Variants in DOCK4 observed in about 807,000 individuals in gnomAD.
The protein encoded by DOCK4 is dedicator of cytokinesis 4.
In DOCK4, 97 loss-of-function variants were observed where a neutral mutation model predicts 268.1. The ratio of observed to expected loss-of-function variants is 0.36; its 90% confidence interval spans 0.31 to 0.43. The LOEUF is 0.43. Among genes scored for constraint, DOCK4 ranks in the 20% least tolerant of loss-of-function variants. The probability of loss-of-function intolerance (pLI) is 1.00; values close to 1 mark genes in which losing one functional copy is unlikely to be tolerated. For synonymous variants in DOCK4, 954 were observed against 887.2 expected (o/e 1.08, Z -1.34); for missense variants, 2,145 against 2,455.7 (o/e 0.87, Z 2.67).
At chr7:112,015,906 T>C (rs1321114779) in intron 1 of DOCK4, among the ~76,000 whole-genome samples, 1 of 152,244 alleles carries the variant, frequency 6.6e-6, no homozygotes, top group African/African-American at 2.4e-5. Flanking sequence ...AAACACAGCC[T>C]GAAGCCTCTT....
intron 1 of DOCK4, among the ~76,000 whole-genome samples, chr7:112,067,630 C>G (rs912063886): frequency 1.3e-5 from 2 of 152,170 alleles, no homozygotes; most frequent in African/African-American, 4.8e-5. Flanking sequence ...TTGGAAGCAG[C>G]ATTACTTGTA....
At chr7:112,029,891 T>G (rs914160058) in intron 1 of DOCK4, among the ~76,000 whole-genome samples, 1 of 152,228 alleles carries the variant, frequency 6.6e-6, no homozygotes, top group Non-Finnish European at 1.5e-5. Context: ...TGAATATTCA[T>G]GACAATTAAA....
At position 111,796,971 on chromosome 7, in the gene DOCK4, A is replaced by C. The variant is rs73434239; in HGVS notation, c.3167-6366T>G. ...AACCAGAAAGGGAAAACAGTCGGAGAATGCTCCCTGTCTTCTCCTCCACTC... is the reference window on the plus strand; with the variant it reads ...AACCAGAAAGGGAAAACAGTCGGAGCATGCTCCCTGTCTTCTCCTCCACTC... On this transcript the variant is annotated intron_variant, in intron 30 of 52. Coordinates refer to ENST00000428084, the MANE Select transcript of DOCK4 (RefSeq NM_001363540.2). Among the ~76,000 whole-genome samples, 1,078 of 152,288 alleles carry C rather than the reference A, an allele frequency of 7.1e-3. 9 individuals carry two copies. Among genetic ancestry groups the C allele is most frequent in the African/African-American group, 0.025 (1,031 of 41,550 alleles).
chr7:111,882,920 AATAAAT>A (rs1807526916), intron 16 of DOCK4, among the ~76,000 whole-genome samples: 1 of 152,094 alleles, frequency 6.6e-6, no homozygotes, highest in African/African-American at 2.4e-5. Context: ...CATTTTTAAT[AATAAAT>A]ATTTAGGAAA....
Position 112,034,968 on chromosome 7 carries a change from T to C in DOCK4, c.38-30837A>G, listed in dbSNP as rs915287396. On this transcript the variant is annotated intron_variant, in intron 1 of 52. Transcript: ENST00000428084. ...AAGATGGGGTAACCAGCCATCTTTT[T>C]ATGCTCTGAACTGAGGAAGTTTCTC... Among the ~76,000 whole-genome samples, 3 of 152,152 alleles carry C rather than the reference T, an allele frequency of 2.0e-5. No homozygotes were observed. In the South Asian group the frequency reaches 6.2e-4, roughly 32 times the overall value.
In DOCK4 at chr7:112,114,668, A is replaced by T. The variant is rs1265137234; in HGVS notation, c.37+91434T>A. ...TCCTATCTTGTCCCACAGAATATTA[A>T]AAAGATGTGAACCCGAGGGACTGAG... On this transcript the variant is annotated intron_variant, in intron 1 of 52. Coordinates refer to ENST00000428084, the MANE Select transcript of DOCK4 (RefSeq NM_001363540.2). Among the ~76,000 whole-genome samples, 3 of 152,228 alleles carry T rather than the reference A, an allele frequency of 2.0e-5. No homozygotes were observed. The East Asian group carries it at 5.8e-4, about 29-fold the overall frequency.
intron 33 of DOCK4, 60 bp from the exon 34 acceptor site, chr7:111,784,012 C>T: frequency 1.3e-6 from 2 of 1,569,758 alleles, no homozygotes; most frequent in Non-Finnish European, 1.7e-6. Context: ...ACCATGACAA[C>T]CACTTTACTT....
At chr7:112,109,054 G>A (rs539835169) in intron 1 of DOCK4, among the ~76,000 whole-genome samples, 1 of 152,122 alleles carries the variant, frequency 6.6e-6, no homozygotes, top group East Asian at 1.9e-4. Flanking sequence ...TAAGAGGAAC[G>A]TGCCTTTGCC....
intron 1 of DOCK4, among the ~76,000 whole-genome samples, chr7:112,131,234 A>T (rs1377609662): frequency 6.6e-6 from 1 of 152,184 alleles, no homozygotes; most frequent in African/African-American, 2.4e-5. Flanking sequence ...GATTGTTTTA[A>T]AAGCGCTGTG....
intron 30 of DOCK4, among the ~76,000 whole-genome samples, chr7:111,801,314 T>G (rs1177972159): frequency 6.6e-6 from 1 of 152,232 alleles, no homozygotes; most frequent in East Asian, 1.9e-4. Flanking sequence ...ATTTTTCCGC[T>G]GCTCATGCAG....
intron 16 of DOCK4, among the ~76,000 whole-genome samples, chr7:111,889,709 C>T (rs1057505420): frequency 1.4e-4 from 22 of 152,068 alleles, no homozygotes; most frequent in African/African-American, 5.3e-4. Flanking sequence ...TTTTAGGTAA[C>T]AAAGGTGAAA....
At chr7:112,103,438 C>T (rs1810861319) in intron 1 of DOCK4, among the ~76,000 whole-genome samples, 1 of 152,126 alleles carries the variant, frequency 6.6e-6, no homozygotes, top group Admixed American at 6.5e-5. Flanking sequence ...AGGGGGAAAC[C>T]CACAAAGTGT....
At chr7:112,126,418 C>G (rs987557589) in intron 1 of DOCK4, among the ~76,000 whole-genome samples, 4 of 152,152 alleles carry the variant, frequency 2.6e-5, no homozygotes, top group African/African-American at 9.7e-5. Context: ...TCCCTGACTT[C>G]CAATTCCTCA....
At chr7:111,796,631 T>C (rs536268750) in intron 30 of DOCK4, among the ~76,000 whole-genome samples, 78 of 151,936 alleles carry the variant, frequency 5.1e-4, no homozygotes, top group African/African-American at 1.8e-3. Context: ...GATTTTAAGT[T>C]CGGAAGTTAA....
intron 16 of DOCK4, among the ~76,000 whole-genome samples, chr7:111,887,586 T>A (rs918237354): frequency 6.6e-6 from 1 of 152,018 alleles, no homozygotes; most frequent in Non-Finnish European, 1.5e-5. Flanking sequence ...GGAAAGGTTT[T>A]TAAAATGTCT....
intron 1 of DOCK4, among the ~76,000 whole-genome samples, chr7:112,198,804 A>T (rs1052483065): frequency 3.3e-5 from 5 of 151,806 alleles, no homozygotes; most frequent in African/African-American, 9.7e-5. Flanking sequence ...GTCTATATTT[A>T]CTCTTCTTTT....
At chr7:111,844,521 T>A (rs888791125) in intron 25 of DOCK4, among the ~76,000 whole-genome samples, 1 of 152,246 alleles carries the variant, frequency 6.6e-6, no homozygotes, top group South Asian at 2.1e-4. Flanking sequence ...AAACCGGGCA[T>A]GGTATGACTA....
At chr7:112,105,694 T>TC (rs1297008279) in intron 1 of DOCK4, among the ~76,000 whole-genome samples, 1 of 149,790 alleles carries the variant, frequency 6.7e-6, no homozygotes, top group Non-Finnish European at 1.5e-5. Context: ...CCTTTTTTTT[T>TC]TTTTTTTTCT....
Position 111,844,914 on chromosome 7 carries a change from T to C in DOCK4, c.2602-17A>G. 2 of 1,601,086 alleles carry C rather than the reference T, an allele frequency of 1.2e-6. No homozygotes were observed. Among genetic ancestry groups the C allele is most frequent in the Non-Finnish European group, 8.5e-7 (1 of 1,174,508 alleles). ...AGATTTTTCCTTAAGAGAAAAAAAA[T>C]AATATGTTCAGGAAACTGGGGTTTA... On this transcript the variant is annotated splice_polypyrimidine_tract_variant and intron_variant, in intron 24 of 52. Coordinates refer to ENST00000428084, the MANE Select transcript of DOCK4 (RefSeq NM_001363540.2).
Sources: gnomAD v4.1 joint callset for allele counts (sites outside exome capture counted in the v4.1 genomes callset) on GRCh38, gnomAD v4.1.1 for gene constraint, MANE v1.5 for transcripts, NCBI Gene and HGNC (gene_info 2026-07-23, HGNC 2026-07-21) for gene names.